Variants in PPP2R3C observed in about 807,000 individuals in gnomAD.
PPP2R3C encodes protein phosphatase 2 regulatory subunit B''gamma.
Under a neutral mutation model 63.7 loss-of-function variants are expected in PPP2R3C, and 47 were observed. That is an observed-to-expected ratio of 0.74 (90% confidence interval 0.58 to 0.94). PPP2R3C has a LOEUF of 0.94. Among genes scored for constraint, PPP2R3C ranks in the 40% least tolerant of loss-of-function variants. The pLI, the probability that PPP2R3C is intolerant of heterozygous loss-of-function variation, is 0.00. For missense variants in PPP2R3C, 421 were observed against 518.4 expected (o/e 0.81, Z 1.82); for synonymous variants, 180 against 177.4 (o/e 1.01, Z -0.12).
chr14:35,107,470 G>T, intron 5 of PPP2R3C, 96 bp from the exon 6 acceptor site: 1 of 968,566 alleles, frequency 1.0e-6, no homozygotes, highest in Non-Finnish European at 1.6e-6. Flanking sequence ...AGCTAATCTA[G>T]TAACTCTAAA....
intron 10 of PPP2R3C, among the ~76,000 whole-genome samples, chr14:35,091,803 C>T (rs1044178016): frequency 1.3e-5 from 2 of 152,100 alleles, no homozygotes; most frequent in Admixed American, 6.5e-5. Flanking sequence ...TCACTGAAAC[C>T]TCTGCCTCCC....
chr14:35,113,695 C>G (rs766538312), intron 2 of PPP2R3C, among the ~76,000 whole-genome samples: 1 of 152,106 alleles, frequency 6.6e-6, no homozygotes, highest in Non-Finnish European at 1.5e-5. Flanking sequence ...TAGGAGATAA[C>G]CAAAGTTGTG....
At chr14:35,120,676 G>A (rs1232093718) in intron 1 of PPP2R3C, among the ~76,000 whole-genome samples, 3 of 152,162 alleles carry the variant, frequency 2.0e-5, no homozygotes, top group African/African-American at 7.2e-5. Flanking sequence ...CCTGGGTGCG[G>A]CGGCTCACGT....
Position 35,109,063 on chromosome 14 carries a change from C to CT in PPP2R3C, c.404+755dup, listed in dbSNP as rs1052048853. Among the ~76,000 whole-genome samples the CT allele has an allele frequency of 9.0e-4, 130 of 145,098 alleles. 1 individual carries two copies. In the South Asian group the frequency reaches 0.011, roughly 12 times the overall value. On this transcript the variant is annotated intron_variant, in intron 4 of 12. Coordinates refer to ENST00000261475, the MANE Select transcript of PPP2R3C (RefSeq NM_017917.4). ...GAAAGTGTCATAAACTATATTATTT[C>CT]TTTTTTTTTTTTGAGATGGAGTCTT... is the stretch of plus-strand genomic sequence containing the variant.
rs1425821175 is a variant in PPP2R3C, at chr14:35,121,812, GCTCCCCCTTGCTCCTC to G, written c.58+74_58+89del. ...AGGTTTCACAGAAGCGGAAAAGGCG[GCTCCCCCTTGCTCCTC>G]CTCCCCACCTCCCCCCTACCTCTAG... On this transcript the variant is annotated intron_variant, in intron 1 of 12. Transcript: ENST00000261475. 4 of 1,391,406 alleles carry G rather than the reference GCTCCCCCTTGCTCCTC, an allele frequency of 2.9e-6. No individual in the cohort carries two copies. In the East Asian group the frequency reaches 9.3e-5, roughly 32 times the overall value. 86.2% of individuals were successfully genotyped at this position (1,391,406 alleles called of 1,614,324 possible).
chr14:35,118,460 CTTATTATT>C (rs1231111421), intron 1 of PPP2R3C, among the ~76,000 whole-genome samples: 1 of 152,224 alleles, frequency 6.6e-6, no homozygotes, highest in East Asian at 1.9e-4. Context: ...ATATAATTTA[CTTATTATT>C]TTATTATTTC....
At chr14:35,088,921 G>A (rs1273375358) in intron 11 of PPP2R3C, among the ~76,000 whole-genome samples, 1 of 152,080 alleles carries the variant, frequency 6.6e-6, no homozygotes, top group African/African-American at 2.4e-5. Flanking sequence ...AATATTCTAA[G>A]AGTAGAAAAT....
chr14:35,103,796 T>C (rs964702687), intron 6 of PPP2R3C, among the ~76,000 whole-genome samples: 1 of 152,192 alleles, frequency 6.6e-6, no homozygotes, highest in Non-Finnish European at 1.5e-5. Flanking sequence ...TTAATAAGAT[T>C]TAATAAGTGA....
chr14:35,120,937 T>A (rs2046862579), intron 1 of PPP2R3C, among the ~76,000 whole-genome samples: 1 of 149,616 alleles, frequency 6.7e-6, no homozygotes, highest in Non-Finnish European at 1.5e-5. Context: ...CACAGGGAGA[T>A]CCTGTATCGG....
intron 1 of PPP2R3C, among the ~76,000 whole-genome samples, chr14:35,120,637 G>A (rs1474550350): frequency 6.6e-6 from 1 of 152,132 alleles, no homozygotes; most frequent in Non-Finnish European, 1.5e-5. Flanking sequence ...AGGTGTAGGA[G>A]ATGAGAAGAA....
chr14:35,113,740 C>T (rs1377301499), intron 2 of PPP2R3C, among the ~76,000 whole-genome samples: 1 of 152,158 alleles, frequency 6.6e-6, no homozygotes, highest in South Asian at 2.1e-4. Context: ...GAATGCTGAA[C>T]AACTGATTTA....
At chr14:35,121,571 G>A (rs930794755) in intron 1 of PPP2R3C, among the ~76,000 whole-genome samples, 4 of 152,218 alleles carry the variant, frequency 2.6e-5, no homozygotes, top group African/African-American at 9.6e-5. Context: ...CAAAAAGCGT[G>A]ACAGTAAAAA....
At chr14:35,087,494 G>A in intron 12 of PPP2R3C, 1 of 168,306 alleles carries the variant, frequency 5.9e-6, no homozygotes, top group Admixed American at 5.9e-5. Flanking sequence ...CCACCTCCTG[G>A]GCTCCAACGA....
At chr14:35,115,115 C>T (rs967965459) in intron 2 of PPP2R3C, among the ~76,000 whole-genome samples, 5 of 151,082 alleles carry the variant, frequency 3.3e-5, no homozygotes, top group African/African-American at 9.7e-5. Flanking sequence ...GGACTACAGG[C>T]GAATTGCCCT....
At chr14:35,119,064 G>A (rs771166267) in intron 1 of PPP2R3C, among the ~76,000 whole-genome samples, 1 of 146,058 alleles carries the variant, frequency 6.8e-6, no homozygotes, top group Non-Finnish European at 1.5e-5. Flanking sequence ...TTGAGATGTA[G>A]TCTCGTTCTA....
Position 35,085,610 on chromosome 14 carries a change from C to T in PPP2R3C, c.1342G>A (p.Ala448Thr). ...ALVANDSENSADLDDT is the reference protein window; with the variant it reads ...ALVANDSENSTDLDDT ...AGAGATCATGTATCATCAAGGTCTG[C>T]AGAGTTTTCACTGTCATTTGCAACA... The change falls in exon 13 of 13, where the codon GCA (alanine) becomes ACA (threonine). Residue 448 changes from alanine to threonine, a missense_variant. Physicochemically the swap from Ala to Thr is moderately conservative, Grantham distance 58 (BLOSUM62 0). Around this residue, in one of 3 missense-constraint regions of PPP2R3C, gnomAD observed 231 missense variants for 264.8 expected, o/e 0.87. Transcript: ENST00000261475. The T allele has an allele frequency of 6.2e-7, 1 of 1,610,546 alleles. No homozygotes were observed. The highest frequency in any genetic ancestry group is 8.5e-7 in the Non-Finnish European group (1 of 1,178,872).
intron 1 of PPP2R3C, among the ~76,000 whole-genome samples, chr14:35,117,945 C>T (rs1436027370): frequency 5.9e-5 from 9 of 152,126 alleles, no homozygotes; most frequent in Non-Finnish European, 7.4e-5. Context: ...CTGCCCACCT[C>T]GGCCTCCCAA....
At chr14:35,088,078 A>AC (rs1339155305) in intron 11 of PPP2R3C, 68 bp from the exon 12 acceptor site, 20 of 1,070,950 alleles carry the variant, frequency 1.9e-5, no homozygotes, top group Non-Finnish European at 2.7e-5. Flanking sequence ...TTGCCCTACA[A>AC]CCCCTTTCTA....
intron 1 of PPP2R3C, among the ~76,000 whole-genome samples, chr14:35,121,349 C>G (rs1426755734): frequency 6.6e-6 from 1 of 152,084 alleles, no homozygotes; most frequent in Non-Finnish European, 1.5e-5. Context: ...TGCACTCCAG[C>G]CAGCCTGGGC....
Sources: gnomAD v4.1 joint callset for allele counts (sites outside exome capture counted in the v4.1 genomes callset) on GRCh38, gnomAD v4.1.1 for gene constraint, gnomAD v4.1.1 regional missense constraint, MANE v1.5 for transcripts, NCBI Gene and HGNC (gene_info 2026-07-23, HGNC 2026-07-21) for gene names.